The following SEPTIN10 variants were observed in gnomAD, a reference collection of about 807,000 sequenced individuals.
SEPTIN10 encodes septin 10, also known as septin-10.
A neutral mutation model predicts 54.8 loss-of-function variants in SEPTIN10; 66 were observed. The ratio of observed to expected loss-of-function variants is 1.21; its 90% CI spans 0.99 to 1.48. SEPTIN10 has a LOEUF of 1.48. SEPTIN10 is among the 40% of genes most tolerant of loss of function. The pLI is 0.00. For synonymous variants in SEPTIN10, 161 were observed against 181.0 expected (o/e 0.89, Z 0.89); for missense variants, 620 against 545.6 (o/e 1.14, Z -1.36).
intron 4 of SEPTIN10, among the ~76,000 whole-genome samples, chr2:109,575,554 T>C (rs952852929): frequency 1.3e-5 from 2 of 152,242 alleles, no homozygotes; most frequent in African/African-American, 2.4e-5. Flanking sequence ...CAAATCACAG[T>C]GCATGTGCAG....
At chr2:109,550,042 T>C (rs1682485400) in intron 9 of SEPTIN10, among the ~76,000 whole-genome samples, 1 of 151,970 alleles carries the variant, frequency 6.6e-6, no homozygotes. Context: ...AAGTATCTTT[T>C]TTCTTTGGGA....
chr2:109,572,921 C>T (rs1233507729), intron 5 of SEPTIN10, among the ~76,000 whole-genome samples: 1 of 152,056 alleles, frequency 6.6e-6, no homozygotes, highest in Non-Finnish European at 1.5e-5. Flanking sequence ...AGCCCAACAA[C>T]CTTCTTATGT....
At chr2:109,553,496 A>C (rs111774403) in intron 8 of SEPTIN10, among the ~76,000 whole-genome samples, 2,695 of 151,100 alleles carry the variant, frequency 0.018, 73 homozygotes, top group African/African-American at 0.061. Context: ...GTGAGCTGAG[A>C]TCATGCCACT....
intron 2 of SEPTIN10, among the ~76,000 whole-genome samples, chr2:109,591,480 A>G (rs988843659): frequency 4.3e-4 from 66 of 152,360 alleles, no homozygotes; most frequent in African/African-American, 1.4e-3. Context: ...AGGATTAAAC[A>G]TCATTCAAAA....
At chr2:109,597,537 G>C (rs1695580597) in intron 1 of SEPTIN10, among the ~76,000 whole-genome samples, 1 of 152,142 alleles carries the variant, frequency 6.6e-6, no homozygotes, top group Non-Finnish European at 1.5e-5. Flanking sequence ...CAACGCACAA[G>C]GGGGTAAGGA....
intron 4 of SEPTIN10, among the ~76,000 whole-genome samples, chr2:109,582,313 A>AT (rs1240661226): frequency 6.6e-6 from 1 of 151,954 alleles, no homozygotes; most frequent in African/African-American, 2.4e-5. Flanking sequence ...ACTCAACGCT[A>AT]TTGCTGTTTT....
intron 1 of SEPTIN10, among the ~76,000 whole-genome samples, chr2:109,597,531 G>A (rs1199924403): frequency 1.3e-5 from 2 of 152,124 alleles, no homozygotes; most frequent in Non-Finnish European, 2.9e-5. Flanking sequence ...TCGTTTCAAC[G>A]CACAAGGGGG....
rs147161369 is a variant in SEPTIN10, at chr2:109,562,942, G to A, written c.1028+1424C>T. ...TTTTTTTTCTTTGAGATGGAGTCTC[G>A]CTCTGTTGCCCAGGTTGGAGTGCAG... On this transcript the variant is annotated intron_variant, in intron 8 of 10. Coordinates refer to ENST00000397712, the MANE Select transcript of SEPTIN10 (RefSeq NM_144710.5). Among the ~76,000 whole-genome samples, 1,206 of 150,828 alleles carry A rather than the reference G, an allele frequency of 8.0e-3. 10 individuals are homozygous for A. The highest frequency in any genetic ancestry group is 0.012 in the Non-Finnish European group (815 of 67,886).
At chr2:109,581,339 A>C (rs528549674) in intron 4 of SEPTIN10, among the ~76,000 whole-genome samples, 34 of 152,100 alleles carry the variant, frequency 2.2e-4, no homozygotes, top group African/African-American at 6.5e-4. Context: ...TGGGAGGCTG[A>C]GGCTTGAGAA....
At chr2:109,553,265 T>G (rs1436487344) in intron 8 of SEPTIN10, 46 bp from the exon 9 acceptor site, 3 of 1,605,478 alleles carry the variant, frequency 1.9e-6, no homozygotes, top group East Asian at 4.5e-5. Context: ...GTGATATAGG[T>G]CGGGTATGGC....
At chr2:109,566,828 T>C (rs1009348999) in intron 6 of SEPTIN10, among the ~76,000 whole-genome samples, 3 of 152,114 alleles carry the variant, frequency 2.0e-5, no homozygotes, top group Admixed American at 6.6e-5. Flanking sequence ...CTGTCTGAAG[T>C]TGAGGATTAA....
intron 8 of SEPTIN10, among the ~76,000 whole-genome samples, chr2:109,555,416 A>AC (rs1287753390): frequency 1.3e-5 from 2 of 151,540 alleles, no homozygotes; most frequent in Admixed American, 6.6e-5. Context: ...CTCATCCTCT[A>AC]CCCCTCAAGG....
chr2:109,560,392 GT>G (rs1225767330), intron 8 of SEPTIN10, among the ~76,000 whole-genome samples: 3 of 152,040 alleles, frequency 2.0e-5, no homozygotes, highest in Non-Finnish European at 2.9e-5. Context: ...GACACTGCTG[GT>G]TTTCCTCCTC....
chr2:109,546,473 T>C (rs1681276924), intron 9 of SEPTIN10, among the ~76,000 whole-genome samples: 2 of 152,192 alleles, frequency 1.3e-5, no homozygotes, highest in Admixed American at 6.5e-5. Context: ...TGTACAAAAC[T>C]ATTTTTAAAA....
intron 1 of SEPTIN10, 75 bp downstream of exon 1, chr2:109,613,723 C>G: frequency 1.0e-6 from 1 of 985,838 alleles, no homozygotes; most frequent in Non-Finnish European, 1.3e-6. Flanking sequence ...ACCAGGGGGC[C>G]GGTGGGTCGA....
chr2:109,566,577 G>A (rs981454370), intron 6 of SEPTIN10, among the ~76,000 whole-genome samples: 4 of 151,958 alleles, frequency 2.6e-5, no homozygotes, highest in Admixed American at 2.6e-4. Flanking sequence ...ACAGTATGTG[G>A]GTGTATAGAT....
At chr2:109,547,369 G>GTTTTT (rs35573327) in intron 9 of SEPTIN10, among the ~76,000 whole-genome samples, 3 of 117,852 alleles carry the variant, frequency 2.5e-5, no homozygotes, top group South Asian at 2.8e-4. Flanking sequence ...TAATAAACTT[G>GTTTTT]TTTTTTTTTT....
chr2:109,584,957 A>C (rs533104393), intron 4 of SEPTIN10, among the ~76,000 whole-genome samples, 169 bp downstream of exon 4: 4 of 152,220 alleles, frequency 2.6e-5, no homozygotes, highest in Non-Finnish European at 4.4e-5. Context: ...AAAAATGTCA[A>C]TGTGCTAATA....
At chr2:109,549,650 C>A (rs529331505) in intron 9 of SEPTIN10, among the ~76,000 whole-genome samples, 3 of 152,172 alleles carry the variant, frequency 2.0e-5, no homozygotes, top group Non-Finnish European at 4.4e-5. Context: ...CAGTATGGTA[C>A]GATAGTCCCC....
Sources: allele counts gnomAD v4.1 joint callset (sites outside exome capture counted in the v4.1 genomes callset), GRCh38; gene constraint gnomAD v4.1.1; transcripts MANE v1.5; gene names NCBI Gene and HGNC (gene_info 2026-07-23, HGNC 2026-07-21).